Variants in CACNA2D2 observed in about 807,000 individuals in gnomAD.
CACNA2D2 encodes voltage-dependent calcium channel subunit alpha-2/delta-2.
A neutral mutation model predicts 166.4 loss-of-function variants in CACNA2D2; 48 were observed. The observed-to-expected ratio is 0.29, with a 90% CI of 0.23 to 0.37. The LOEUF is 0.37. CACNA2D2 is among the 10% of genes least tolerant of loss of function. The pLI is 1.00. For missense variants in CACNA2D2, 1,122 were observed against 1,433.0 expected (o/e 0.78, Z 3.50); for synonymous variants, 561 against 573.7 (o/e 0.98, Z 0.32).
intron 22 of CACNA2D2, among the ~76,000 whole-genome samples, chr3:50,371,639 G>C (rs185464449): frequency 6.6e-6 from 1 of 152,278 alleles, no homozygotes; most frequent in Admixed American, 6.5e-5. Flanking sequence ...TGCACTGCAA[G>C]ATTCTGGGGA....
chr3:50,501,293 G>A (rs1046485741), intron 1 of CACNA2D2, among the ~76,000 whole-genome samples: 1 of 152,182 alleles, frequency 6.6e-6, no homozygotes, highest in Non-Finnish European at 1.5e-5. Flanking sequence ...GACCAGGGCA[G>A]CTGAAGGGCA....
rs1272466076 is a variant in CACNA2D2 at position 50,376,083 on chromosome 3, G to A, written c.1701+31C>T. On this transcript the variant is annotated intron_variant, in intron 18 of 37. Transcript: ENST00000424201. The surrounding 1 kb of genome is among the most constrained non-coding windows in gnomAD (Gnocchi z 4.3). ...CAGAAGTCCCCATTGTGGAAGGTTTGCCCACCCTCCAGGCCACCCGTCTGG... is the reference window on the plus strand; with the variant it reads ...CAGAAGTCCCCATTGTGGAAGGTTTACCCACCCTCCAGGCCACCCGTCTGG... 6.2e-7 allele frequency: 1 copy of A among 1,613,174 alleles called. No homozygotes were observed. Among genetic ancestry groups the A allele is most frequent in the Non-Finnish European group, 8.5e-7 (1 of 1,180,006 alleles).
In CACNA2D2 at chr3:50,370,393, CG is replaced by C. The variant is rs1260540618; in HGVS notation, c.1985-14del. 3.2e-6 allele frequency: 4 copies of C among 1,261,674 alleles called. No individual in the cohort carries two copies. The highest frequency in any genetic ancestry group is 4.1e-6 in the Non-Finnish European group (4 of 967,424). The allele number at this position is 1,261,674 out of a possible 1,614,324, so 78.2% of individuals were successfully genotyped here. On this transcript the variant is annotated splice_polypyrimidine_tract_variant and intron_variant, in intron 22 of 37. Coordinates refer to ENST00000424201, the MANE Select transcript of CACNA2D2 (RefSeq NM_006030.4). ...AGGAACTCAAAATCTGCAACAGAAACGGGGGGTTATCCGGCGGGGGCTGGGG... is the reference window on the plus strand; with the variant it reads ...AGGAACTCAAAATCTGCAACAGAAACGGGGGTTATCCGGCGGGGGCTGGGG...
At chr3:50,473,074 G>A (rs551387284) in intron 2 of CACNA2D2, among the ~76,000 whole-genome samples, 1 of 152,320 alleles carries the variant, frequency 6.6e-6, no homozygotes, top group Admixed American at 6.5e-5. Flanking sequence ...GGACAAGCGT[G>A]GGGGTGGGGA....
At position 50,367,459 on chromosome 3, in the gene CACNA2D2, T is replaced by G. The variant is rs780364290; in HGVS notation, c.2336A>C (p.Asn779Thr). The G allele has an allele frequency of 1.9e-6, 3 of 1,613,742 alleles. No individual in the cohort carries two copies. Among genetic ancestry groups the G allele is most frequent in the Non-Finnish European group, 2.5e-6 (3 of 1,179,984 alleles). ...CAGGCTGCGGCGGTAGAAGCTGGCA[T>G]TGAAGGGCTCAGGGTTCTCTGTCCA... ...EDWTENPEPFNASFYRRSLDN... is the reference protein window; with the variant it reads ...EDWTENPEPFTASFYRRSLDN... The change falls in exon 27 of 38, where the codon AAT becomes ACT. Residue 779 changes from asparagine (N) to threonine (T), a missense_variant. Physicochemically the swap from Asn to Thr is moderately conservative, Grantham distance 65. Coordinates refer to ENST00000424201, the MANE Select transcript of CACNA2D2 (RefSeq NM_006030.4). The surrounding 1 kb of genome is among the most constrained non-coding windows in gnomAD (Gnocchi z 6.5).
intron 3 of CACNA2D2, among the ~76,000 whole-genome samples, chr3:50,433,968 C>A (rs1708193455): frequency 6.6e-6 from 1 of 152,152 alleles, no homozygotes; most frequent in South Asian, 2.1e-4. Flanking sequence ...TGGCCAGGTG[C>A]CCATCCAGGG....
intron 3 of CACNA2D2, among the ~76,000 whole-genome samples, chr3:50,399,705 T>G (rs1468689431): frequency 6.6e-6 from 1 of 152,026 alleles, no homozygotes; most frequent in Non-Finnish European, 1.5e-5. Context: ...GACCCCTAGG[T>G]AGGAAGAGGG....
At chr3:50,406,599 T>C (rs1053700173) in intron 3 of CACNA2D2, among the ~76,000 whole-genome samples, 8 of 147,086 alleles carry the variant, frequency 5.4e-5, no homozygotes, top group South Asian at 2.4e-4. Context: ...CCCATCACCA[T>C]TGCCAATATT....
chr3:50,488,096 T>A (rs1698365511), intron 1 of CACNA2D2, among the ~76,000 whole-genome samples: 1 of 151,972 alleles, frequency 6.6e-6, no homozygotes, highest in Non-Finnish European at 1.5e-5. Flanking sequence ...ACTGGCCAGG[T>A]GAAGGTGGCA....
chr3:50,365,243 C>G lies in CACNA2D2; in HGVS notation c.3099-59G>C. The G allele has an allele frequency of 1.9e-6, 2 of 1,032,732 alleles. No homozygotes were observed. The highest frequency in any genetic ancestry group is 1.4e-6 in the Non-Finnish European group (1 of 715,742). 64.0% of individuals were successfully genotyped at this position (1,032,732 alleles called of 1,614,324 possible). On this transcript the variant is annotated intron_variant, in intron 35 of 37. Transcript: ENST00000424201. This position sits in a 1 kb window ranked among gnomAD's most constrained non-coding sequence, Gnocchi z 4.5. ...TTGCCCCGCCCTGACCCACCCCCATCCTGCGGCCCCGCCCCCGGCCGCTCG... is the reference window on the plus strand; with the variant it reads ...TTGCCCCGCCCTGACCCACCCCCATGCTGCGGCCCCGCCCCCGGCCGCTCG...
chr3:50,380,985 T>C lies in CACNA2D2; in HGVS notation c.784+10A>G, dbSNP rs781141511. The C allele has an allele frequency of 6.2e-6, 10 of 1,613,502 alleles. No individual in the cohort carries two copies. In the East Asian group the frequency reaches 2.0e-4, roughly 32 times the overall value. Reference sequence around the variant, plus strand: ...TGCTGGGTAGACAGGGGACAGGGGCTGGTACCTACCCGGGTAGTAGCGAGT... The same window carrying C: ...TGCTGGGTAGACAGGGGACAGGGGCCGGTACCTACCCGGGTAGTAGCGAGT... On this transcript the variant is annotated intron_variant, in intron 7 of 37. Coordinates refer to ENST00000424201, the MANE Select transcript of CACNA2D2 (RefSeq NM_006030.4). The surrounding 1 kb of genome is among the most constrained non-coding windows in gnomAD (Gnocchi z 4.9).
In CACNA2D2 at chr3:50,365,454, C is replaced by T; in HGVS notation, c.3000G>A (p.Glu1000=). ...TCATGACGCAGCTGCTCTCGCGCGT[C>T]TCGGGGCTCCCCTCGGCCTCCGCGG... ...ADPAEAEGSP[E]TRESSCVMKQ... is the part of the protein sequence containing the mutation. The change falls in exon 35 of 38, where the codon GAG becomes GAA. Residue 1000 remains glutamate (E), a synonymous_variant. Transcript: ENST00000424201. This position sits in a 1 kb window ranked among gnomAD's most constrained non-coding sequence, Gnocchi z 4.5. The T allele has an allele frequency of 6.2e-7, 1 of 1,613,594 alleles. No homozygotes were observed. Among genetic ancestry groups the T allele is most frequent in the Non-Finnish European group, 8.5e-7 (1 of 1,179,896 alleles).
In CACNA2D2 at chr3:50,378,820, C is replaced by T. The variant is rs1465100294; in HGVS notation, c.1339+95G>A. On this transcript the variant is annotated intron_variant, in intron 13 of 37. Coordinates refer to ENST00000424201, the MANE Select transcript of CACNA2D2 (RefSeq NM_006030.4). Reference sequence around the variant, plus strand: ...GGCACACTGTCTTGCAGCGGGTGAACACACAGCTGGACATATGGATGGCCA... The same window carrying T: ...GGCACACTGTCTTGCAGCGGGTGAATACACAGCTGGACATATGGATGGCCA... 2.8e-6 allele frequency: 4 copies of T among 1,444,530 alleles called. No homozygotes were observed. In the African/African-American group the frequency reaches 4.2e-5, roughly 15 times the overall value. 89.5% of individuals were successfully genotyped at this position (1,444,530 alleles called of 1,614,324 possible).
intron 3 of CACNA2D2, among the ~76,000 whole-genome samples, chr3:50,395,788 G>A (rs1480169762): frequency 6.6e-6 from 1 of 152,170 alleles, no homozygotes; most frequent in Non-Finnish European, 1.5e-5. Context: ...TAGTTAGAGG[G>A]GCTGTCCAGG....
At chr3:50,408,879 C>T (rs1040227927) in intron 3 of CACNA2D2, among the ~76,000 whole-genome samples, 5 of 152,246 alleles carry the variant, frequency 3.3e-5, no homozygotes, top group African/African-American at 1.2e-4. Context: ...CAGTCGTGTA[C>T]ATGTGCCTGC....
At chr3:50,407,239 T>C (rs551105822) in intron 3 of CACNA2D2, among the ~76,000 whole-genome samples, 16 of 151,896 alleles carry the variant, frequency 1.1e-4, no homozygotes, top group African/African-American at 3.6e-4. Flanking sequence ...CACTGTACCA[T>C]TAGGGACAGA....
At chr3:50,373,877 G>C (rs931792035) in intron 22 of CACNA2D2, among the ~76,000 whole-genome samples, 2 of 79,602 alleles carry the variant, frequency 2.5e-5, no homozygotes, top group Non-Finnish European at 5.1e-5. Context: ...AGGGGGCAGA[G>C]AGAGAGAGAG....
intron 1 of CACNA2D2, among the ~76,000 whole-genome samples, chr3:50,495,194 T>C (rs1042891938): frequency 6.6e-6 from 1 of 152,170 alleles, no homozygotes; most frequent in Non-Finnish European, 1.5e-5. Context: ...ACCTCAGGGA[T>C]TTCTGTGGCT....
intron 1 of CACNA2D2, among the ~76,000 whole-genome samples, chr3:50,491,223 G>T (rs1294898515): frequency 6.6e-6 from 1 of 152,228 alleles, no homozygotes; most frequent in Non-Finnish European, 1.5e-5. Context: ...CAGTTATGCA[G>T]ATGAGGTGGC....
Sources: allele counts gnomAD v4.1 joint callset (sites outside exome capture counted in the v4.1 genomes callset), GRCh38; gene constraint gnomAD v4.1.1; non-coding constraint Gnocchi (gnomAD v3.1); transcripts MANE v1.5; gene names NCBI Gene and HGNC (gene_info 2026-07-23, HGNC 2026-07-21).